Variants in KIF14 observed in about 807,000 individuals in gnomAD.
KIF14 encodes the protein kinesin family member 14.
Under a neutral mutation model 176.2 loss-of-function variants are expected in KIF14, and 98 were observed. The observed-to-expected ratio is 0.56, with a 90% CI of 0.47 to 0.66. The LOEUF (loss-of-function observed/expected upper bound fraction) is 0.66, where lower values mean the gene tolerates loss of function less well. Ranked by LOEUF, KIF14 falls within the 30% of genes least tolerant of loss-of-function variation. The pLI is 0.00. For missense variants in KIF14, 1,751 were observed against 1,920.4 expected, an observed-to-expected ratio of 0.91 and a Z score of 1.65; for synonymous variants, 566 against 632.2, an observed-to-expected ratio of 0.90 and a Z score of 1.57.
At position 200,620,401 on chromosome 1, in the gene KIF14, T is replaced by A. The variant is rs1189557802; in HGVS notation, c.-116+10A>T. 1 of 151,614 alleles carries A rather than the reference T, an allele frequency of 6.6e-6. No individual in the cohort carries two copies. The highest frequency in any genetic ancestry group is 1.5e-5 in the Non-Finnish European group (1 of 68,062). The allele number at this position is 151,614 out of a possible 1,614,324, so 9.4% of individuals were successfully genotyped here. A position where few individuals can be genotyped will look rare whatever the true frequency, so the allele number is the denominator to read the frequency against. On this transcript the variant is annotated intron_variant, in intron 1 of 29. Transcript: ENST00000367350. ...GCTAGTCATTACCAGGGGCTATGAC[T>A]AAGAATTACCTCTTAATGCCAACCG...
intron 23 of KIF14, among the ~76,000 whole-genome samples, chr1:200,569,121 C>T (rs1320800320): frequency 6.6e-6 from 1 of 151,910 alleles, no homozygotes; most frequent in Non-Finnish European, 1.5e-5. Context: ...GACAGGGTTT[C>T]TCCATGTTGT....
intron 6 of KIF14, among the ~76,000 whole-genome samples, 177 bp from the exon 7 acceptor site, chr1:200,606,071 GAAATA>G (rs1053930617): frequency 5.3e-5 from 8 of 151,924 alleles, no homozygotes; most frequent in African/African-American, 1.9e-4. Context: ...TGAAGGACAG[GAAATA>G]AAATAATGCT....
At chr1:200,576,346 CG>C (rs1196673979) in intron 21 of KIF14, among the ~76,000 whole-genome samples, 13 of 150,552 alleles carry the variant, frequency 8.6e-5, no homozygotes, top group Non-Finnish European at 8.9e-5. Context: ...GGCGTGGTAG[CG>C]GGCGCCTGTA....
At chr1:200,605,458 G>A in intron 7 of KIF14, 68 bp from the exon 8 acceptor site, 1 of 1,090,544 alleles carries the variant, frequency 9.2e-7, no homozygotes, top group East Asian at 2.4e-5. Flanking sequence ...AATTAAGAGA[G>A]ACAACATATA....
chr1:200,566,220 G>A lies in KIF14; in HGVS notation c.3662-551C>T, dbSNP rs538057503. Among the ~76,000 whole-genome samples the A allele has an allele frequency of 1.1e-3, 168 of 151,898 alleles. 1 individual carries two copies. The highest frequency in any genetic ancestry group is 2.5e-4 in the Non-Finnish European group (17 of 67,964). The stretch of plus-strand genomic sequence containing the variant: ...ACAATAGAGAATCCAAATATCCCAC[G>A]TAACCACTGGGTTAATCTCTTTCTT... On this transcript the variant is annotated intron_variant, in intron 23 of 29. Transcript: ENST00000367350.
intron 17 of KIF14, among the ~76,000 whole-genome samples, 192 bp downstream of exon 17, chr1:200,589,933 A>C (rs1456824689): frequency 6.6e-6 from 1 of 152,008 alleles, no homozygotes; most frequent in Non-Finnish European, 1.5e-5. Context: ...GATTACGGGC[A>C]TGAGCCACCA....
chr1:200,559,886 C>A (rs1367326368), intron 26 of KIF14, among the ~76,000 whole-genome samples: 1 of 152,006 alleles, frequency 6.6e-6, no homozygotes, highest in African/African-American at 2.4e-5. Context: ...TCCTGAGTAG[C>A]TGGGATTACA....
chr1:200,606,360 C>G (rs1309031584), intron 6 of KIF14, among the ~76,000 whole-genome samples: 1 of 152,168 alleles, frequency 6.6e-6, no homozygotes, highest in Non-Finnish European at 1.5e-5. Context: ...AAACTCTTAA[C>G]TCTTCTTAGT....
At chr1:200,620,351 C>T (rs181901593) in intron 1 of KIF14, 60 bp downstream of exon 1, 1 of 152,364 alleles carries the variant, frequency 6.6e-6, no homozygotes, top group East Asian at 1.9e-4. Context: ...CAAACCAAAA[C>T]ATCCGGTGAT....
Position 200,581,234 on chromosome 1 carries a change from C to CTA in KIF14, c.3301_3302insTA (p.Ser1101IlefsTer5). ...AACATAGTATGTTTTCAATTTGCTG[C>CTA]TGATAGCATTGGCTTCCTGAATCAT... is the stretch of plus-strand genomic sequence containing the variant. On this transcript the variant is annotated frameshift_variant, in exon 20 of 30. Transcript: ENST00000367350. LOFTEE classifies it high-confidence loss of function. The CTA allele has an allele frequency of 6.2e-7, 1 of 1,603,240 alleles. No homozygotes were observed. Among genetic ancestry groups the CTA allele is most frequent in the Non-Finnish European group, 8.5e-7 (1 of 1,175,418 alleles).
At chr1:200,575,732 G>A (rs768217597) in intron 21 of KIF14, 41 bp from the exon 22 acceptor site, 3 of 1,185,606 alleles carry the variant, frequency 2.5e-6, no homozygotes, top group Non-Finnish European at 3.5e-6. Context: ...AATTTGGGGT[G>A]AAAAAATGTT....
intron 28 of KIF14, 148 bp from the exon 29 acceptor site, chr1:200,554,754 C>T: frequency 2.0e-6 from 1 of 504,244 alleles, no homozygotes; most frequent in Non-Finnish European, 3.5e-6. Flanking sequence ...TTTCTATAAG[C>T]AAGACCAAAA....
At position 200,560,417 on chromosome 1, in the gene KIF14, G is replaced by A. The variant is rs554039009; in HGVS notation, c.4230+305C>T. Among the ~76,000 whole-genome samples the A allele has an allele frequency of 5.9e-5, 9 of 152,142 alleles. No homozygotes were observed. The East Asian group carries it at 1.4e-3, about 23-fold the overall frequency. On this transcript the variant is annotated intron_variant, in intron 26 of 29. Coordinates refer to ENST00000367350, the MANE Select transcript of KIF14 (RefSeq NM_014875.3). ...CTCCTGAGTAGCTGGGATTACAGGC[G>A]TGGGCCACCATGACTGGCTAACTTT...
chr1:200,615,628 A>G lies in KIF14; in HGVS notation c.1113-19T>C, dbSNP rs755394022. On this transcript the variant is annotated intron_variant, in intron 2 of 29. Coordinates refer to ENST00000367350, the MANE Select transcript of KIF14 (RefSeq NM_014875.3). ...CTTCTCTCTTGAAAGAAGCACAAAG[A>G]AAAAAATCAAGTAACTAAAATGATC... is the stretch of plus-strand genomic sequence containing the variant. 1.6e-5 allele frequency: 26 copies of G among 1,586,814 alleles called. No homozygotes were observed. The African/African-American group carries it at 3.4e-4, about 21-fold the overall frequency.
At chr1:200,568,036 T>C (rs1242596522) in intron 23 of KIF14, among the ~76,000 whole-genome samples, 1 of 152,162 alleles carries the variant, frequency 6.6e-6, no homozygotes, top group African/African-American at 2.4e-5. Flanking sequence ...AAAAATACAG[T>C]AAAATATATG....
intron 27 of KIF14, among the ~76,000 whole-genome samples, chr1:200,557,080 T>G (rs2102559269): frequency 6.6e-6 from 1 of 152,380 alleles, no homozygotes; most frequent in East Asian, 1.9e-4. Flanking sequence ...CTTGGCTCAC[T>G]GCAACATCCA....
chr1:200,553,568 A>G lies in KIF14; in HGVS notation c.4767T>C (p.Asp1589=). ...TATAAGTTTCCCAGGGTTTCAACAA[A>G]TCAGGGCTTTCTTCAGATTCAAAAC... The part of the protein sequence containing the change: ...LFCFESEESP[D]LLKPWETYNQ... Residue 1589 remains aspartate (D), a synonymous_variant, in exon 30 of 30, where the codon GAT becomes GAC. Transcript: ENST00000367350. 1 of 1,614,116 alleles carries G rather than the reference A, an allele frequency of 6.2e-7. No homozygotes were observed. The highest frequency in any genetic ancestry group is 8.5e-7 in the Non-Finnish European group (1 of 1,180,018).
At chr1:200,597,941 G>A (rs1359329675) in intron 14 of KIF14, among the ~76,000 whole-genome samples, 1 of 151,976 alleles carries the variant, frequency 6.6e-6, no homozygotes, top group Non-Finnish European at 1.5e-5. Flanking sequence ...ATGTAAGATA[G>A]ATAGTTTACT....
chr1:200,610,893 G>A (rs1172431440), intron 4 of KIF14, among the ~76,000 whole-genome samples: 1 of 152,130 alleles, frequency 6.6e-6, no homozygotes, highest in Non-Finnish European at 1.5e-5. Flanking sequence ...GAGGGGGTAG[G>A]GCATTCTCGG....
Sources: allele counts gnomAD v4.1 joint callset (sites outside exome capture counted in the v4.1 genomes callset), GRCh38; gene constraint gnomAD v4.1.1; transcripts MANE v1.5; gene names NCBI Gene and HGNC (gene_info 2026-07-23, HGNC 2026-07-21).